The following ZBTB16 variants were observed in gnomAD, a reference collection of about 807,000 sequenced individuals.
ZBTB16 encodes the protein zinc finger and BTB domain containing 16.
In ZBTB16, 8 loss-of-function variants were observed where a neutral mutation model predicts 56.8. The ratio of observed to expected loss-of-function variants is 0.14; its 90% CI spans 0.08 to 0.25. The LOEUF is 0.25. ZBTB16 is among the 10% of genes least tolerant of loss of function. ZBTB16 has a pLI of 1.00. For missense variants in ZBTB16, 625 were observed against 903.0 expected (o/e 0.69, Z 3.95); for synonymous variants, 363 against 368.5 (o/e 0.98, Z 0.17).
At chr11:114,154,916 A>G (rs1942369569) in intron 2 of ZBTB16, among the ~76,000 whole-genome samples, 1 of 152,206 alleles carries the variant, frequency 6.6e-6, no homozygotes, top group Non-Finnish European at 1.5e-5. Flanking sequence ...GTGGGAGCCC[A>G]TTGACTGTGG....
chr11:114,065,599 A>G (rs1468169021), intron 2 of ZBTB16, among the ~76,000 whole-genome samples: 8 of 152,180 alleles, frequency 5.3e-5, no homozygotes, highest in Non-Finnish European at 1.0e-4. Flanking sequence ...AATTTTTAGT[A>G]GAGACGGGCT....
At chr11:114,065,560 G>A (rs1225857421) in intron 2 of ZBTB16, among the ~76,000 whole-genome samples, 2 of 152,116 alleles carry the variant, frequency 1.3e-5, no homozygotes, top group Non-Finnish European at 1.5e-5. Context: ...CGGATTACAG[G>A]CACGCACCAC....
chr11:114,224,851 TA>T (rs1442215884), intron 4 of ZBTB16, among the ~76,000 whole-genome samples: 1 of 152,200 alleles, frequency 6.6e-6, no homozygotes, highest in East Asian at 1.9e-4. Context: ...AGAGGCAGAC[TA>T]AAAAATGTCT....
chr11:114,123,547 G>A (rs576683984), intron 2 of ZBTB16, among the ~76,000 whole-genome samples: 1 of 152,278 alleles, frequency 6.6e-6, no homozygotes, highest in South Asian at 2.1e-4. Flanking sequence ...CTGTGTGTAT[G>A]TAATTAGAGA....
intron 2 of ZBTB16, among the ~76,000 whole-genome samples, chr11:114,122,670 G>A (rs1020565627): frequency 6.6e-6 from 1 of 152,118 alleles, no homozygotes; most frequent in Non-Finnish European, 1.5e-5. Flanking sequence ...GTCTTTGCAC[G>A]TATTTCCATT....
At chr11:114,121,719 G>A (rs1168173239) in intron 2 of ZBTB16, 6 of 433,706 alleles carry the variant, frequency 1.4e-5, no homozygotes, top group Non-Finnish European at 2.8e-5. Context: ...AATCATGACT[G>A]TCTGATCCCA....
chr11:114,199,341 C>G (rs1405723141), intron 4 of ZBTB16, among the ~76,000 whole-genome samples: 1 of 150,294 alleles, frequency 6.7e-6, no homozygotes, highest in Non-Finnish European at 1.5e-5. Flanking sequence ...GACATGGATG[C>G]CGCTGGGCCC....
chr11:114,132,973 A>G (rs117286555), intron 2 of ZBTB16, among the ~76,000 whole-genome samples: 3 of 152,162 alleles, frequency 2.0e-5, no homozygotes, highest in African/African-American at 2.4e-5. Flanking sequence ...ACTGCAGTAC[A>G]AAGTTAGAAA....
chr11:114,214,665 G>A (rs180772930), intron 4 of ZBTB16, among the ~76,000 whole-genome samples: 109 of 152,154 alleles, frequency 7.2e-4, no homozygotes, highest in Non-Finnish European at 1.5e-3. Flanking sequence ...GTGCAGTGGC[G>A]CAATTTTGGC....
chr11:114,148,393 T>TTCCTTCCTCCC (rs1565651651), intron 2 of ZBTB16, among the ~76,000 whole-genome samples: 1 of 27,434 alleles, frequency 3.6e-5, no homozygotes, highest in African/African-American at 1.4e-4. Flanking sequence ...TCCTTCCTCC[T>TTCCTTCCTCCC]TCCCTCCCTC....
chr11:114,191,477 G>A (rs570126955), intron 4 of ZBTB16, among the ~76,000 whole-genome samples: 11 of 152,252 alleles, frequency 7.2e-5, no homozygotes, highest in South Asian at 6.2e-4. Flanking sequence ...GTAGAAGGCC[G>A]TACCATCTAG....
chr11:114,091,846 C>T (rs746493701), intron 2 of ZBTB16, among the ~76,000 whole-genome samples: 2 of 152,226 alleles, frequency 1.3e-5, no homozygotes, highest in East Asian at 1.9e-4. Context: ...TCTCCTAAGC[C>T]GGTCAAGCAG....
chr11:114,139,626 C>CGT (rs750514241), intron 2 of ZBTB16, among the ~76,000 whole-genome samples: 8,292 of 138,570 alleles, frequency 0.06, 416 homozygotes, highest in African/African-American at 0.13. Context: ...CCGCGGTCCA[C>CGT]GTGTGTGTGT....
chr11:114,220,815 G>A (rs1944214594), intron 4 of ZBTB16, among the ~76,000 whole-genome samples: 1 of 152,238 alleles, frequency 6.6e-6, no homozygotes, highest in African/African-American at 2.4e-5. Context: ...AGTGAGCTGG[G>A]GTAGGGATGC....
At chr11:114,131,204 G>A (rs1941648619) in intron 2 of ZBTB16, among the ~76,000 whole-genome samples, 1 of 152,122 alleles carries the variant, frequency 6.6e-6, no homozygotes, top group Admixed American at 6.5e-5. Context: ...AACCTAAGAG[G>A]TTGTTTACTG....
intron 4 of ZBTB16, among the ~76,000 whole-genome samples, chr11:114,241,233 TAA>T (rs60753205): frequency 1.4e-5 from 2 of 143,176 alleles, no homozygotes; most frequent in South Asian, 2.2e-4. Context: ...GAGAAGTAGT[TAA>T]AAAAAAAAAA....
chr11:114,187,349 C>G (rs762114046), intron 4 of ZBTB16: 112 of 422,334 alleles, frequency 2.7e-4, no homozygotes, highest in Non-Finnish European at 4.8e-4. Context: ...AGGCCTTAGT[C>G]TGTGTTGTTA....
At chr11:114,161,531 G>C (rs891329321) in intron 3 of ZBTB16, among the ~76,000 whole-genome samples, 2 of 152,162 alleles carry the variant, frequency 1.3e-5, no homozygotes, top group Non-Finnish European at 1.5e-5. Flanking sequence ...GAGAAATTCA[G>C]AGTAGGAGAG....
chr11:114,073,053 C>CAAAAAAA (rs11349665), intron 2 of ZBTB16, among the ~76,000 whole-genome samples: 1 of 69,978 alleles, frequency 1.4e-5, no homozygotes, highest in Admixed American at 1.5e-4. Flanking sequence ...GAGACTGTCT[C>CAAAAAAA]AAAAAAAAAA....
Sources: allele counts gnomAD v4.1 joint callset (sites outside exome capture counted in the v4.1 genomes callset), GRCh38; gene constraint gnomAD v4.1.1; transcripts MANE v1.5; gene names NCBI Gene and HGNC (gene_info 2026-07-23, HGNC 2026-07-21).